SLFN12L: variants seen among roughly 807,000 people sequenced by gnomAD.
SLFN12L encodes the protein schlafen family member 12 like.
A neutral mutation model predicts 34.8 loss-of-function variants in SLFN12L; 34 were observed. The ratio of observed to expected loss-of-function variants is 0.98; its 90% CI spans 0.74 to 1.30. SLFN12L has a LOEUF of 1.30. Ranked by LOEUF, SLFN12L falls within the 50% of genes most tolerant of loss-of-function variation. SLFN12L has a pLI of 0.00. For synonymous variants in SLFN12L, 259 were observed against 247.5 expected (o/e 1.05, Z -0.44); for missense variants, 703 against 696.2 (o/e 1.01, Z -0.11).
At chr17:35,515,173 C>T in intron 2 of SLFN12L, 1 of 615,204 alleles carries the variant, frequency 1.6e-6, no homozygotes, top group Non-Finnish European at 3.2e-6. Context: ...GGCGATGGCT[C>T]CGTTCCGACC....
In SLFN12L at chr17:35,475,388, G is replaced by T. The variant is rs747325126; in HGVS notation, c.1374C>A (p.Gly458=). 6.2e-7 allele frequency: 1 copy of T among 1,614,156 alleles called. No homozygotes were observed. Among genetic ancestry groups the T allele is most frequent in the South Asian group, 1.1e-5 (1 of 91,082 alleles). The change falls in exon 5 of 5, where the codon GGC becomes GGA. Residue 458 remains glycine, a synonymous_variant. Transcript: ENST00000628453. ...AGATCAGTGAGCCCTTATTGACAGA[G>T]CCCATTTCTTCACATATTAATTGCT... The part of the protein sequence containing the change: ...GLKQLICEEM[G]SVNKGSLIFS...
chr17:35,502,164 A>C (rs866211582), intron 2 of SLFN12L, among the ~76,000 whole-genome samples: 6 of 152,154 alleles, frequency 3.9e-5, no homozygotes, highest in African/African-American at 1.4e-4. Flanking sequence ...TTTAAAACCT[A>C]TAATTGATAA....
chr17:35,519,704 T>A (rs1915942944), intron 2 of SLFN12L, among the ~76,000 whole-genome samples: 1 of 152,192 alleles, frequency 6.6e-6, no homozygotes, highest in Non-Finnish European at 1.5e-5. Flanking sequence ...CAGTCAAGGT[T>A]AATATCCACA....
rs2142143631 is a variant in SLFN12L, at chr17:35,494,462, T to C, written c.87-14267A>G. Among the ~76,000 whole-genome samples, 2 of 152,346 alleles carry C rather than the reference T, an allele frequency of 1.3e-5. 1 individual carries two copies. Among genetic ancestry groups the C allele is most frequent in the African/African-American group, 4.8e-5 (2 of 41,576 alleles). ...AAAATCACACTCAGTGAGGAAATAT[T>C]AAAAACTGTCCCATGAGTTTTAGGA... is the stretch of plus-strand genomic sequence containing the variant. On this transcript the variant is annotated intron_variant, in intron 2 of 4. Transcript: ENST00000628453.
Position 35,522,357 on chromosome 17 carries a change from T to C in SLFN12L, c.8A>G (p.Lys3Arg), listed in dbSNP as rs1916024088. ...CTCACAGTGAAACACATTCCTGATC[T>C]TCTCCATGATCTTCATGGCCATGAT... is the stretch of plus-strand genomic sequence containing the variant. Reference protein sequence around the residue: MEKIRNVFHCEAH... With the variant: MERIRNVFHCEAH... Residue 3 changes from lysine (K) to arginine (R), a missense_variant, in exon 2 of 5, where the codon AAG becomes AGG. Transcript: ENST00000628453. 1 of 1,614,102 alleles carries C rather than the reference T, an allele frequency of 6.2e-7. No homozygotes were observed. Among genetic ancestry groups the C allele is most frequent in the Non-Finnish European group, 8.5e-7 (1 of 1,180,046 alleles).
chr17:35,467,228 C>A lies in SLFN12L; in HGVS notation c.*7695G>T, dbSNP rs1355209006. Among the ~76,000 whole-genome samples, 1 of 152,214 alleles carries A rather than the reference C, an allele frequency of 6.6e-6. No homozygotes were observed. The highest frequency in any genetic ancestry group is 2.4e-5 in the African/African-American group (1 of 41,458). On this transcript the variant is annotated 3_prime_UTR_variant, in exon 5 of 5. Transcript: ENST00000628453. ...GGACTATATGAATGGCACTGCCAACCACCATACATGATGGAGCTAGGTGGA... is the reference window on the plus strand; with the variant it reads ...GGACTATATGAATGGCACTGCCAACAACCATACATGATGGAGCTAGGTGGA...
At chr17:35,487,352 A>T (rs1437586782) in intron 2 of SLFN12L, among the ~76,000 whole-genome samples, 4 of 152,282 alleles carry the variant, frequency 2.6e-5, no homozygotes, top group Non-Finnish European at 5.9e-5. Context: ...GTTTTGACAG[A>T]CATTGCTACA....
At position 35,471,842 on chromosome 17, in the gene SLFN12L, G is replaced by A. The variant is rs1179882111; in HGVS notation, c.*3081C>T. Among the ~76,000 whole-genome samples, 1 of 151,920 alleles carries A rather than the reference G, an allele frequency of 6.6e-6. No homozygotes were observed. Among genetic ancestry groups the A allele is most frequent in the African/African-American group, 2.4e-5 (1 of 41,360 alleles). On this transcript the variant is annotated 3_prime_UTR_variant, in exon 5 of 5. Coordinates refer to ENST00000628453, the MANE Select transcript of SLFN12L (RefSeq NM_001363830.2). ...ATGTTGAGTTTTTTTTCATACGTTT[G>A]TTGGCTGTATAAATGTCTTCTTTTG...
chr17:35,518,674 C>A (rs997735369), intron 2 of SLFN12L, among the ~76,000 whole-genome samples: 1 of 151,652 alleles, frequency 6.6e-6, no homozygotes, highest in Non-Finnish European at 1.5e-5. Flanking sequence ...GTTAGAATGA[C>A]GATTATTAAA....
At position 35,512,876 on chromosome 17, in the gene SLFN12L, G is replaced by A. The variant is rs142140359; in HGVS notation, c.86+9403C>T. ...GCACTACAGTTTTCAAGGACATAGTGTTTCTACCCTCTCCGAACCTAAGTT... is the reference window on the plus strand; with the variant it reads ...GCACTACAGTTTTCAAGGACATAGTATTTCTACCCTCTCCGAACCTAAGTT... On this transcript the variant is annotated intron_variant, in intron 2 of 4. Transcript: ENST00000628453. 3.0e-3 allele frequency among the ~76,000 whole-genome samples: 459 copies of A among 152,294 alleles called. 6 individuals carry two copies. The highest frequency in any genetic ancestry group is 0.01 in the African/African-American group (434 of 41,558).
Position 35,522,732 on chromosome 17 carries a change from A to G in SLFN12L, c.-368T>C, listed in dbSNP as rs149274554. 4.4e-4 allele frequency: 702 copies of G among 1,613,442 alleles called. 1 individual carries two copies. Among genetic ancestry groups the G allele is most frequent in the East Asian group, 2.0e-3 (90 of 44,866 alleles). On this transcript the variant is annotated 5_prime_UTR_variant, in exon 2 of 5. Transcript: ENST00000628453. ...CCAGCTTCTGCTTCAAAGTAAGGGC[A>G]GTGCAAGTGCAGTAGTCCTGGCCCT...
chr17:35,522,699 C>A lies in SLFN12L; in HGVS notation c.-335G>T. ...CACACACCTCCCCAGTGTAGCCCCC[C>A]ATGTTCACCAGCTTCTGCTTCAAAG... is the stretch of plus-strand genomic sequence containing the variant. On this transcript the variant is annotated 5_prime_UTR_variant, in exon 2 of 5. The change abolishes an upstream ATG in the 5' untranslated region. Coordinates refer to ENST00000628453, the MANE Select transcript of SLFN12L (RefSeq NM_001363830.2). The A allele has an allele frequency of 6.2e-7, 1 of 1,614,160 alleles. No individual in the cohort carries two copies. The highest frequency in any genetic ancestry group is 1.1e-5 in the South Asian group (1 of 91,082).
chr17:35,474,736 C>T lies in SLFN12L; in HGVS notation c.*187G>A. Reference sequence around the variant, plus strand: ...GTCAGGAGTTCAAGACCAGCCTGGCCAAGACGGTGAAACCCCATCTCTGCT... The same window carrying T: ...GTCAGGAGTTCAAGACCAGCCTGGCTAAGACGGTGAAACCCCATCTCTGCT... On this transcript the variant is annotated 3_prime_UTR_variant, in exon 5 of 5. Coordinates refer to ENST00000628453, the MANE Select transcript of SLFN12L (RefSeq NM_001363830.2). 4.3e-6 allele frequency: 2 copies of T among 461,634 alleles called. No homozygotes were observed. The highest frequency in any genetic ancestry group is 7.5e-6 in the Non-Finnish European group (2 of 266,102). The allele number at this position is 461,634 out of a possible 1,614,324, so 28.6% of individuals were successfully genotyped here.
Position 35,469,316 on chromosome 17 carries a change from T to TTATA in SLFN12L, c.*5603_*5606dup, listed in dbSNP as rs887643812. Among the ~76,000 whole-genome samples, 1 of 131,774 alleles carries TTATA rather than the reference T, an allele frequency of 7.6e-6. No individual in the cohort carries two copies. Among genetic ancestry groups the TTATA allele is most frequent in the Non-Finnish European group, 1.6e-5 (1 of 63,270 alleles). 86.4% of individuals were successfully genotyped at this position (131,774 alleles called of 152,430 possible). ...TATATATATATAAAATATATATATA[T>TTATA]TATATATATAAATATATATATAATA... On this transcript the variant is annotated 3_prime_UTR_variant, in exon 5 of 5. Coordinates refer to ENST00000628453, the MANE Select transcript of SLFN12L (RefSeq NM_001363830.2).
At chr17:35,503,694 C>T (rs760832012) in intron 2 of SLFN12L, among the ~76,000 whole-genome samples, 2 of 152,188 alleles carry the variant, frequency 1.3e-5, no homozygotes, top group Non-Finnish European at 2.9e-5. Flanking sequence ...TAATTACATA[C>T]TTGCTTTATC....
chr17:35,474,928 T>G lies in SLFN12L; in HGVS notation c.1834A>C (p.Arg612=). 1 of 1,543,520 alleles carries G rather than the reference T, an allele frequency of 6.5e-7. No individual in the cohort carries two copies. Among genetic ancestry groups the G allele is most frequent in the Non-Finnish European group, 8.7e-7 (1 of 1,144,232 alleles). Residue 612 remains arginine, a synonymous_variant, in exon 5 of 5, where the codon AGA becomes CGA. Transcript: ENST00000628453. ...FVCWFVCFFL[R] is the part of the protein sequence containing the mutation. ...TCTGGGTGACAGAGTGAGACTCATC[T>G]CAAGAAAAAACAAACAAACCAACAA...
intron 1 of SLFN12L, among the ~76,000 whole-genome samples, chr17:35,529,847 A>G (rs1349400576): frequency 6.6e-6 from 1 of 152,136 alleles, no homozygotes; most frequent in Non-Finnish European, 1.5e-5. Flanking sequence ...GTATAATAAG[A>G]AAAGAACTTG....
At chr17:35,514,336 TCA>T (rs1483707832) in intron 2 of SLFN12L, among the ~76,000 whole-genome samples, 19 of 152,232 alleles carry the variant, frequency 1.2e-4, no homozygotes, top group African/African-American at 4.6e-4. Context: ...ATTTTAATCC[TCA>T]GTTTTCACAA....
At chr17:35,505,266 A>C (rs1179174685) in intron 2 of SLFN12L, among the ~76,000 whole-genome samples, 2 of 152,150 alleles carry the variant, frequency 1.3e-5, no homozygotes, top group African/African-American at 4.8e-5. Flanking sequence ...CTTTAACACT[A>C]TATGTGTCAG....
Sources: allele counts gnomAD v4.1 joint callset (sites outside exome capture counted in the v4.1 genomes callset), GRCh38; gene constraint gnomAD v4.1.1; transcripts MANE v1.5; gene names NCBI Gene and HGNC (gene_info 2026-07-23, HGNC 2026-07-21).